Variants in RBM38 observed in about 807,000 individuals in gnomAD.
RBM38 encodes the protein RNA-binding protein 38.
A neutral mutation model predicts 23.5 loss-of-function variants in RBM38; 11 were observed. That is an observed-to-expected ratio of 0.47 (90% CI 0.29 to 0.77). The LOEUF is 0.77. Ranked by LOEUF, RBM38 falls within the 30% of genes least tolerant of loss-of-function variation. The pLI is 0.08. For missense variants in RBM38, 330 were observed against 351.9 expected, an observed-to-expected ratio of 0.94 and a Z score of 0.50; for synonymous variants, 165 against 166.1, an observed-to-expected ratio of 0.99 and a Z score of 0.05.
At chr20:57,392,024 ACCCCCACCC>A (rs1568804255) in intron 1 of RBM38, among the ~76,000 whole-genome samples, 10 of 10,526 alleles carry the variant, frequency 9.5e-4, no homozygotes, top group South Asian at 2.3e-3. Flanking sequence ...CCCCACCCCC[ACCCCCACCC>A]CCACCCCCAC....
In RBM38 at chr20:57,393,261, ATTGT is replaced by A. The variant is rs760735902; in HGVS notation, c.362-16_362-13del. On this transcript the variant is annotated splice_polypyrimidine_tract_variant and intron_variant, in intron 2 of 3. Transcript: ENST00000356208. Reference sequence around the variant, plus strand: ...CTCGTGCAGCAAGGCCAAGTCCCTGATTGTTCTCTCGTTTTAGGCTTTGCCATTG... The same window carrying A: ...CTCGTGCAGCAAGGCCAAGTCCCTGATCTCTCGTTTTAGGCTTTGCCATTG... 1 of 1,612,686 alleles carries A rather than the reference ATTGT, an allele frequency of 6.2e-7. No individual in the cohort carries two copies.
chr20:57,402,597 GT>G (rs1002163002), intron 3 of RBM38, among the ~76,000 whole-genome samples: 192 of 152,368 alleles, frequency 1.3e-3, no homozygotes, highest in African/African-American at 4.2e-3. Context: ...CTGTGCCCTT[GT>G]GTGCAGAGGC....
At chr20:57,404,704 C>T (rs1223718338) in intron 3 of RBM38, among the ~76,000 whole-genome samples, 3 of 152,270 alleles carry the variant, frequency 2.0e-5, no homozygotes, top group Non-Finnish European at 4.4e-5. Flanking sequence ...TGGCAGAGAG[C>T]TGGGAGTCCA....
chr20:57,393,146 G>A (rs573929538), intron 2 of RBM38, 133 bp from the exon 3 acceptor site: 1 of 894,336 alleles, frequency 1.1e-6, no homozygotes, highest in Non-Finnish European at 1.8e-6. Flanking sequence ...GGGGAGGCCT[G>A]GGAGGGGAGA....
chr20:57,395,446 G>A (rs969873339), intron 3 of RBM38, among the ~76,000 whole-genome samples: 3 of 152,164 alleles, frequency 2.0e-5, no homozygotes, highest in African/African-American at 7.2e-5. Context: ...GTGTGCCCCC[G>A]ACTTCAGGCG....
chr20:57,408,378 C>G lies in RBM38; in HGVS notation c.*532C>G, dbSNP rs1372241956. 1.3e-5 allele frequency: 2 copies of G among 158,306 alleles called. No homozygotes were observed. The highest frequency in any genetic ancestry group is 4.8e-5 in the African/African-American group (2 of 41,554). 9.8% of individuals were successfully genotyped at this position (158,306 alleles called of 1,614,324 possible). ...CCTGTTGGAGTCCCATTTTCTCCAT[C>G]AGGGCACGTGGGCGGCTTCCTCAAG... On this transcript the variant is annotated 3_prime_UTR_variant, in exon 4 of 4. Coordinates refer to ENST00000356208, the MANE Select transcript of RBM38 (RefSeq NM_017495.6).
At chr20:57,404,545 C>T (rs1458938346) in intron 3 of RBM38, among the ~76,000 whole-genome samples, 4 of 152,246 alleles carry the variant, frequency 2.6e-5, no homozygotes, top group Non-Finnish European at 5.9e-5. Flanking sequence ...TCCACTCGCC[C>T]CCTTCCCAAG....
At chr20:57,393,003 C>T in intron 2 of RBM38, 3 of 686,454 alleles carry the variant, frequency 4.4e-6, no homozygotes, top group South Asian at 3.8e-5. Context: ...TACTGCACCC[C>T]AGTTGCCAGC....
intron 3 of RBM38, among the ~76,000 whole-genome samples, chr20:57,405,250 G>A (rs866358778): frequency 1.4e-4 from 21 of 152,334 alleles, no homozygotes; most frequent in African/African-American, 4.3e-4. Context: ...CATCCTAGAA[G>A]CTAAGCCCCT....
At chr20:57,399,866 A>C (rs1245072343) in intron 3 of RBM38, 1 of 456,142 alleles carries the variant, frequency 2.2e-6, no homozygotes, top group Non-Finnish European at 4.4e-6. Flanking sequence ...AGGTGGGGCA[A>C]GGCCCCTGGA....
intron 3 of RBM38, chr20:57,399,814 G>A (rs1266613198): frequency 2.2e-6 from 1 of 450,424 alleles, no homozygotes; most frequent in Non-Finnish European, 4.5e-6. Context: ...CACCCAGCCA[G>A]GCGGGAGTCA....
At position 57,394,902 on chromosome 20, in the gene RBM38, G is replaced by A. The variant is rs574861977; in HGVS notation, c.416+1569G>A. Among the ~76,000 whole-genome samples, 38 of 152,234 alleles carry A rather than the reference G, an allele frequency of 2.5e-4. 1 individual carries two copies. The South Asian group carries it at 6.4e-3, about 26-fold the overall frequency. ...TTACAGTGGGATAAGGCCTTCCCAC[G>A]TGCGTCTGGGCTCGCTCTGATCCAC... On this transcript the variant is annotated intron_variant, in intron 3 of 3. Coordinates refer to ENST00000356208, the MANE Select transcript of RBM38 (RefSeq NM_017495.6).
intron 3 of RBM38, among the ~76,000 whole-genome samples, chr20:57,402,094 C>T (rs556758832): frequency 7.2e-5 from 11 of 152,122 alleles, no homozygotes; most frequent in East Asian, 1.9e-4. Flanking sequence ...ATTACAGGCA[C>T]GCACCACCAC....
intron 3 of RBM38, among the ~76,000 whole-genome samples, chr20:57,399,353 G>A (rs780852757): frequency 6.6e-6 from 1 of 152,178 alleles, no homozygotes; most frequent in South Asian, 2.1e-4. Context: ...GGGTATTGTG[G>A]TGGTTGGAGG....
chr20:57,400,674 G>A (rs762692998), intron 3 of RBM38, among the ~76,000 whole-genome samples: 40 of 152,124 alleles, frequency 2.6e-4, no homozygotes, highest in Non-Finnish European at 4.7e-4. Context: ...TTCTTCCTTG[G>A]CTCTGCCTGG....
At chr20:57,392,606 C>A (rs562032150) in intron 1 of RBM38, 48 bp from the exon 2 acceptor site, 1 of 1,574,856 alleles carries the variant, frequency 6.3e-7, no homozygotes, top group Non-Finnish European at 8.6e-7. Context: ...GCCCCTTTCG[C>A]CCCTGGTTCC....
chr20:57,403,912 G>T (rs779608141), intron 3 of RBM38, among the ~76,000 whole-genome samples: 9 of 152,202 alleles, frequency 5.9e-5, no homozygotes, highest in Non-Finnish European at 1.2e-4. Flanking sequence ...GAGCCACTGC[G>T]CCCAGCCTTC....
chr20:57,399,660 A>G (rs1261498657), intron 3 of RBM38, among the ~76,000 whole-genome samples: 1 of 152,004 alleles, frequency 6.6e-6, no homozygotes, highest in Non-Finnish European at 1.5e-5. Context: ...AGGGCGTTCG[A>G]CCTGTGTCCT....
intron 3 of RBM38, among the ~76,000 whole-genome samples, chr20:57,405,125 G>A (rs747726189): frequency 1.8e-4 from 28 of 152,294 alleles, no homozygotes; most frequent in Non-Finnish European, 3.8e-4. Flanking sequence ...CCTCCTTCAA[G>A]AAGCCACCCT....
Sources: gnomAD v4.1 joint callset for allele counts (sites outside exome capture counted in the v4.1 genomes callset) on GRCh38, gnomAD v4.1.1 for gene constraint, MANE v1.5 for transcripts, NCBI Gene and HGNC (gene_info 2026-07-23, HGNC 2026-07-21) for gene names.